INSYN2A: variants seen among roughly 807,000 people sequenced by gnomAD.
The protein encoded by INSYN2A is family with sequence similarity 196 member A.
Under a neutral mutation model 39.4 loss-of-function variants are expected in INSYN2A, and 17 were observed. The observed-to-expected ratio is 0.43, with a 90% CI of 0.30 to 0.65. The LOEUF is 0.65. Among genes scored for constraint, INSYN2A ranks in the 30% least tolerant of loss-of-function variants. The pLI, the probability that INSYN2A is intolerant of heterozygous loss-of-function variation, is 0.14. For synonymous variants in INSYN2A, 255 were observed against 265.7 expected, an observed-to-expected ratio of 0.96 and a Z score of 0.39; for missense variants, 595 against 631.2, an observed-to-expected ratio of 0.94 and a Z score of 0.61.
At chr10:127,183,071 CTTTTTTTTT>C (rs3066813) in intron 2 of INSYN2A, among the ~76,000 whole-genome samples, 8 of 88,636 alleles carry the variant, frequency 9.0e-5, no homozygotes, top group African/African-American at 3.4e-4. Context: ...TATGGTGAAT[CTTTTTTTTT>C]TTTTTTTTTT....
At chr10:127,186,521 C>CG (rs2056277411) in intron 2 of INSYN2A, among the ~76,000 whole-genome samples, 2 of 84,798 alleles carry the variant, frequency 2.4e-5, no homozygotes, top group African/African-American at 7.9e-5. Flanking sequence ...CCCCGCCCCC[C>CG]CCCGATCCAG....
intron 4 of INSYN2A, among the ~76,000 whole-genome samples, chr10:127,168,880 C>T (rs76797777): frequency 0.013 from 1,995 of 152,294 alleles, 12 homozygotes; most frequent in Middle Eastern, 0.02. Context: ...AAATAGTCCC[C>T]TTATGCTTCC....
At chr10:127,171,728 G>C (rs1307727739) in intron 4 of INSYN2A, among the ~76,000 whole-genome samples, 1 of 152,088 alleles carries the variant, frequency 6.6e-6, no homozygotes, top group Non-Finnish European at 1.5e-5. Context: ...TTTTGAGATG[G>C]AGTCTCGCTC....
chr10:127,140,619 C>CGGTTGAGTTTGACACACCAAGTCTCTG (rs2051140110), intron 5 of INSYN2A, among the ~76,000 whole-genome samples: 2 of 48,244 alleles, frequency 4.1e-5, no homozygotes, highest in Non-Finnish European at 1.4e-4. Context: ...CCAAGTCTCT[C>CGGTTGAGTTTGACACACCAAGTCTCTG]GGTTGAGTTT....
chr10:127,181,044 C>G (rs1480643749), intron 2 of INSYN2A, among the ~76,000 whole-genome samples: 1 of 152,086 alleles, frequency 6.6e-6, no homozygotes, highest in Non-Finnish European at 1.5e-5. Flanking sequence ...GGCATAACCA[C>G]TAGTATCAGA....
intron 4 of INSYN2A, among the ~76,000 whole-genome samples, chr10:127,161,112 C>T (rs2053556580): frequency 6.6e-6 from 1 of 152,184 alleles, no homozygotes; most frequent in Non-Finnish European, 1.5e-5. Flanking sequence ...TCTAAGGTCT[C>T]ACCAGGAGTT....
At chr10:127,146,019 C>T (rs769638117) in intron 5 of INSYN2A, 5 of 517,986 alleles carry the variant, frequency 9.7e-6, no homozygotes, top group African/African-American at 1.9e-5. Flanking sequence ...CACTCTATTC[C>T]CCATGGAATT....
chr10:127,165,420 G>C (rs2053986911), intron 4 of INSYN2A, among the ~76,000 whole-genome samples: 1 of 152,156 alleles, frequency 6.6e-6, no homozygotes, highest in African/African-American at 2.4e-5. Flanking sequence ...GTCCAGTTAT[G>C]AGACTTTGCT....
intron 4 of INSYN2A, among the ~76,000 whole-genome samples, chr10:127,167,362 T>C (rs1322071043): frequency 6.6e-6 from 1 of 152,206 alleles, no homozygotes; most frequent in African/African-American, 2.4e-5. Flanking sequence ...TTCAAAGGAT[T>C]GCAACCTTGC....
At chr10:127,155,396 A>G (rs1460373587) in intron 4 of INSYN2A, among the ~76,000 whole-genome samples, 1 of 152,132 alleles carries the variant, frequency 6.6e-6, no homozygotes, top group Non-Finnish European at 1.5e-5. Context: ...AAGTGTTGCC[A>G]GGCACTTTCT....
At position 127,137,443 on chromosome 10, in the gene INSYN2A, A is replaced by C. The variant is rs1396542657; in HGVS notation, c.*394T>G. The C allele has an allele frequency of 6.2e-6, 1 of 161,244 alleles. No homozygotes were observed. Among genetic ancestry groups the C allele is most frequent in the Non-Finnish European group, 1.3e-5 (1 of 74,294 alleles). 10.0% of individuals were successfully genotyped at this position (161,244 alleles called of 1,614,324 possible). ...AACATAAGGCTTGCTTTTTCTTCTC[A>C]TTATTTAAAAAAAAAATCAAGGCTT... On this transcript the variant is annotated 3_prime_UTR_variant, in exon 6 of 6. Coordinates refer to ENST00000522781, the MANE Select transcript of INSYN2A (RefSeq NM_001039762.3).
At chr10:127,189,393 C>G (rs985655933) in intron 2 of INSYN2A, among the ~76,000 whole-genome samples, 2 of 152,160 alleles carry the variant, frequency 1.3e-5, no homozygotes, top group Non-Finnish European at 2.9e-5. Context: ...TGAGCCTGGG[C>G]ACTCTGTCTG....
At chr10:127,152,044 G>A (rs1368481764) in intron 5 of INSYN2A, among the ~76,000 whole-genome samples, 1 of 151,838 alleles carries the variant, frequency 6.6e-6, no homozygotes, top group Non-Finnish European at 1.5e-5. Context: ...ATCACCCACA[G>A]AATATTACGT....
intron 4 of INSYN2A, among the ~76,000 whole-genome samples, chr10:127,166,184 G>A (rs1360967865): frequency 1.3e-5 from 2 of 152,074 alleles, no homozygotes; most frequent in Admixed American, 1.3e-4. Context: ...TCCTGCCTCA[G>A]CCCCCCAAGT....
At chr10:127,151,878 A>G (rs1482716353) in intron 5 of INSYN2A, among the ~76,000 whole-genome samples, 1 of 152,200 alleles carries the variant, frequency 6.6e-6, no homozygotes, top group Non-Finnish European at 1.5e-5. Context: ...CACTCGAGTC[A>G]TTCCTGAAAG....
At chr10:127,153,737 C>T in intron 5 of INSYN2A, 115 bp downstream of exon 5, 1 of 778,398 alleles carries the variant, frequency 1.3e-6, no homozygotes. Context: ...TAAGGTCCTT[C>T]ACTTTTTGTC....
At chr10:127,183,311 C>T (rs2055915376) in intron 2 of INSYN2A, among the ~76,000 whole-genome samples, 1 of 152,126 alleles carries the variant, frequency 6.6e-6, no homozygotes, top group African/African-American at 2.4e-5. Context: ...AAGATGCAGT[C>T]TGTCTTTCTG....
At chr10:127,195,380 C>T (rs766528192) in intron 1 of INSYN2A, among the ~76,000 whole-genome samples, 5 of 152,210 alleles carry the variant, frequency 3.3e-5, no homozygotes, top group African/African-American at 4.8e-5. Context: ...GGAAGCCCCG[C>T]GGCGCCGACC....
chr10:127,184,230 C>A (rs1039396866), intron 2 of INSYN2A, among the ~76,000 whole-genome samples: 30 of 152,148 alleles, frequency 2.0e-4, no homozygotes, highest in African/African-American at 7.2e-4. Flanking sequence ...GGTCACGAGA[C>A]CCATCTCCAA....
Sources: allele counts gnomAD v4.1 joint callset (sites outside exome capture counted in the v4.1 genomes callset), GRCh38; gene constraint gnomAD v4.1.1; transcripts MANE v1.5; gene names NCBI Gene and HGNC (gene_info 2026-07-23, HGNC 2026-07-21).